NPHP4: variants seen among roughly 807,000 people sequenced by gnomAD.
NPHP4 encodes nephrocystin 4.
Under a neutral mutation model 155.8 loss-of-function variants are expected in NPHP4, and 151 were observed. That is an observed-to-expected ratio of 0.97 (90% CI 0.85 to 1.11). The LOEUF is 1.11. Among genes scored for constraint, NPHP4 ranks in the 50% least tolerant of loss-of-function variants. The pLI, the probability that NPHP4 is intolerant of heterozygous loss-of-function variation, is 0.00. For synonymous variants in NPHP4, 845 were observed against 816.8 expected, an observed-to-expected ratio of 1.03 and a Z score of -0.59; for missense variants, 1,956 against 1,925.7, an observed-to-expected ratio of 1.02 and a Z score of -0.29.
At chr1:5,925,848 C>A (rs2101645840) in intron 11 of NPHP4, among the ~76,000 whole-genome samples, 1 of 152,338 alleles carries the variant, frequency 6.6e-6, no homozygotes, top group Non-Finnish European at 1.5e-5. Context: ...ATCTCCTGAC[C>A]TTGTGATCCA....
intron 9 of NPHP4, among the ~76,000 whole-genome samples, chr1:5,939,946 A>G (rs1296835662): frequency 6.6e-6 from 1 of 152,184 alleles, no homozygotes; most frequent in Non-Finnish European, 1.5e-5. Context: ...GAAGAGGACA[A>G]CAGAGGATGA....
intron 9 of NPHP4, 122 bp downstream of exon 9, chr1:5,946,982 T>C: frequency 9.4e-7 from 1 of 1,063,320 alleles, no homozygotes; most frequent in South Asian, 1.3e-5. Context: ...AAGTGATTTT[T>C]ACTTATTATT....
chr1:5,894,632 A>G (rs916719942), intron 16 of NPHP4, among the ~76,000 whole-genome samples: 18 of 152,294 alleles, frequency 1.2e-4, no homozygotes, highest in Non-Finnish European at 2.1e-4. Context: ...CATAGCCTTG[A>G]ATCCTGGTAT....
intron 22 of NPHP4, 144 bp from the exon 23 acceptor site, chr1:5,873,479 C>T (rs537990948): frequency 2.2e-5 from 15 of 687,098 alleles, no homozygotes; most frequent in Admixed American, 5.1e-5. Flanking sequence ...CATCACCAAC[C>T]GGCCTCACTG....
intron 9 of NPHP4, among the ~76,000 whole-genome samples, chr1:5,934,040 A>G (rs540912485): frequency 4.2e-4 from 64 of 152,328 alleles, no homozygotes; most frequent in African/African-American, 1.5e-3. Context: ...GACTGAGTAA[A>G]GAGTTTTAAA....
chr1:5,919,762 C>G (rs1179767939), intron 11 of NPHP4, among the ~76,000 whole-genome samples: 1 of 151,176 alleles, frequency 6.6e-6, no homozygotes. Context: ...TTTTTAGAGG[C>G]AAAGTCTGGC....
chr1:5,976,483 C>A (rs1411324028), intron 3 of NPHP4, among the ~76,000 whole-genome samples: 4 of 152,208 alleles, frequency 2.6e-5, no homozygotes, highest in South Asian at 2.1e-4. Flanking sequence ...TCTGGCATTG[C>A]CAGCACCGGG....
intron 12 of NPHP4, among the ~76,000 whole-genome samples, chr1:5,908,617 G>A (rs1454906955): frequency 6.6e-6 from 1 of 152,180 alleles, no homozygotes; most frequent in African/African-American, 2.4e-5. Context: ...CAGCGGGAAG[G>A]CGCCTCTCCT....
chr1:5,950,074 G>C (rs1452265370), intron 7 of NPHP4, among the ~76,000 whole-genome samples: 4 of 152,116 alleles, frequency 2.6e-5, no homozygotes, highest in Admixed American at 6.5e-5. Flanking sequence ...GTTTAAGAGA[G>C]GAGTTTAAGA....
intron 18 of NPHP4, chr1:5,886,615 T>C (rs897050137): frequency 6.6e-6 from 1 of 152,196 alleles, no homozygotes; most frequent in African/African-American, 2.4e-5. Context: ...CAGGGTCCCA[T>C]GTCGGTCCTC....
chr1:5,909,210 G>A lies in NPHP4; in HGVS notation c.1445C>T (p.Pro482Leu), dbSNP rs372565083. The A allele has an allele frequency of 1.7e-4, 271 of 1,601,568 alleles. No individual in the cohort carries two copies. Among genetic ancestry groups the A allele is most frequent in the Non-Finnish European group, 1.9e-4 (229 of 1,174,422 alleles). ...GAGAACTCGAGGTACTGGCGCTGGC[G>A]GGCCTGGGAGGAAGCACAGTGGGGT... is the stretch of plus-strand genomic sequence containing the variant. ...SRKPPTSPSS[P>L]PAPVPRVLAA... is the part of the protein sequence containing the mutation. The change falls in exon 12 of 30, where the codon CCG becomes CTG. Residue 482 changes from proline (P) to leucine (L), a missense_variant. Coordinates refer to ENST00000378156, the MANE Select transcript of NPHP4 (RefSeq NM_015102.5).
intron 3 of NPHP4, among the ~76,000 whole-genome samples, chr1:5,976,288 G>A (rs1211593109): frequency 6.6e-6 from 1 of 152,132 alleles, no homozygotes; most frequent in East Asian, 1.9e-4. Context: ...GACCTCCACA[G>A]GAGGATGACA....
chr1:5,990,352 A>G (rs1656047014), intron 1 of NPHP4, among the ~76,000 whole-genome samples: 1 of 152,190 alleles, frequency 6.6e-6, no homozygotes, highest in Non-Finnish European at 1.5e-5. Context: ...GAGGAAGTGC[A>G]GAGGGGCCTT....
Position 5,875,113 on chromosome 1 carries a change from G to C in NPHP4, c.2818-13C>G. 1 of 1,571,308 alleles carries C rather than the reference G, an allele frequency of 6.4e-7. No individual in the cohort carries two copies. The highest frequency in any genetic ancestry group is 8.6e-7 in the Non-Finnish European group (1 of 1,158,968). On this transcript the variant is annotated splice_polypyrimidine_tract_variant and intron_variant, in intron 20 of 29. Transcript: ENST00000378156. Reference sequence around the variant, plus strand: ...CGCTCTGCTGCGCCTGCAGACAAGAGGACATGGGTGGACAGGGTCCCAGGC... The same window carrying C: ...CGCTCTGCTGCGCCTGCAGACAAGACGACATGGGTGGACAGGGTCCCAGGC...
chr1:5,964,324 G>A (rs1353556771), intron 5 of NPHP4, among the ~76,000 whole-genome samples: 1 of 152,050 alleles, frequency 6.6e-6, no homozygotes, highest in East Asian at 1.9e-4. Context: ...TTTATCTATG[G>A]GTACAGCTGC....
In NPHP4 at chr1:5,938,973, T is replaced by C. The variant is rs558515907; in HGVS notation, c.1120-5644A>G. Among the ~76,000 whole-genome samples, 4 of 152,332 alleles carry C rather than the reference T, an allele frequency of 2.6e-5. No homozygotes were observed. In the South Asian group the frequency reaches 8.3e-4, roughly 32 times the overall value. On this transcript the variant is annotated intron_variant, in intron 9 of 29. Transcript: ENST00000378156. ...ACGGAAAATTACTGTATCTTGTATA[T>C]GGAAATACCACTACTAAAAACATAA... is the stretch of plus-strand genomic sequence containing the variant.
chr1:5,924,556 C>T (rs1645900951), intron 11 of NPHP4, among the ~76,000 whole-genome samples: 1 of 152,228 alleles, frequency 6.6e-6, no homozygotes, highest in East Asian at 1.9e-4. Context: ...CCCAAAAGCC[C>T]GACAGCAGGA....
chr1:5,917,922 A>G (rs7549818), intron 11 of NPHP4, among the ~76,000 whole-genome samples: 127,257 of 152,208 alleles, frequency 0.84, 53,419 homozygotes, highest in African/African-American at 0.93. Flanking sequence ...TCCCCTTCCT[A>G]CTGGCGCAAC....
Position 5,952,749 on chromosome 1 carries a change from T to G in NPHP4, c.761A>C (p.Lys254Thr). 1 of 1,546,712 alleles carries G rather than the reference T, an allele frequency of 6.5e-7. No individual in the cohort carries two copies. The highest frequency in any genetic ancestry group is 1.2e-5 in the South Asian group (1 of 84,862). Reference protein sequence around the residue: ...LFFTLYPSLEKFEEELLELHV... With the variant: ...LFFTLYPSLETFEEELLELHV... Reference sequence around the variant, plus strand: ...GAGCTCCAGCAGCTCTTCCTCAAACTTCTCCAGGGAGGGGTACAGGGTGAA... The same window carrying G: ...GAGCTCCAGCAGCTCTTCCTCAAACGTCTCCAGGGAGGGGTACAGGGTGAA... Residue 254 changes from lysine (K) to threonine (T), a missense_variant, in exon 7 of 30, where the codon AAG becomes ACG. Transcript: ENST00000378156.
Sources: gnomAD v4.1 joint callset for allele counts (sites outside exome capture counted in the v4.1 genomes callset) on GRCh38, gnomAD v4.1.1 for gene constraint, MANE v1.5 for transcripts, NCBI Gene and HGNC (gene_info 2026-07-23, HGNC 2026-07-21) for gene names.